ARHGAP44: variants seen among roughly 807,000 people sequenced by gnomAD.
The protein encoded by ARHGAP44 is Rho GTPase activating protein 44, also known as rho GTPase-activating protein 44.
ARHGAP44 carries 43 observed loss-of-function variants against 106.8 expected under a neutral mutation model. The ratio of observed to expected loss-of-function variants is 0.40; its 90% confidence interval spans 0.32 to 0.52. ARHGAP44 has a LOEUF of 0.52. Among genes scored for constraint, ARHGAP44 ranks in the 20% least tolerant of loss-of-function variants. ARHGAP44 has a pLI of 0.48. For missense variants in ARHGAP44, 866 were observed against 1,050.5 expected, an observed-to-expected ratio of 0.82 and a Z score of 2.43; for synonymous variants, 439 against 410.3, an observed-to-expected ratio of 1.07 and a Z score of -0.85.
At chr17:12,821,363 T>G (rs536901803) in intron 1 of ARHGAP44, among the ~76,000 whole-genome samples, 1 of 152,322 alleles carries the variant, frequency 6.6e-6, no homozygotes, top group East Asian at 1.9e-4. Context: ...GTTTATAACC[T>G]GGGTCAGAAG....
intron 16 of ARHGAP44, among the ~76,000 whole-genome samples, chr17:12,972,063 G>C (rs772567284): frequency 3.1e-4 from 47 of 152,198 alleles, no homozygotes; most frequent in Middle Eastern, 3.2e-3. Context: ...TGGTGTAATA[G>C]TTTTGTGCTT....
At chr17:12,903,300 A>G (rs1031875291) in intron 3 of ARHGAP44, among the ~76,000 whole-genome samples, 4 of 152,070 alleles carry the variant, frequency 2.6e-5, no homozygotes, top group African/African-American at 9.7e-5. Context: ...GAAATGTCAG[A>G]TTGACTATAT....
chr17:12,809,299 C>T (rs2034369437), intron 1 of ARHGAP44, among the ~76,000 whole-genome samples: 1 of 152,190 alleles, frequency 6.6e-6, no homozygotes, highest in African/African-American at 2.4e-5. Context: ...CAGCAGAGCC[C>T]CACTCCCGGT....
At chr17:12,989,290 G>A (rs966113829) in intron 20 of ARHGAP44, among the ~76,000 whole-genome samples, 5 of 151,888 alleles carry the variant, frequency 3.3e-5, no homozygotes, top group South Asian at 4.2e-4. Flanking sequence ...TTTTTTTAAC[G>A]TGGTGTGGCA....
chr17:12,943,769 C>T (rs2150983475), intron 9 of ARHGAP44, 100 bp downstream of exon 9: 1 of 1,256,830 alleles, frequency 8.0e-7, no homozygotes, highest in Non-Finnish European at 1.1e-6. Context: ...AACACTCTGC[C>T]CAACAGCATC....
chr17:12,959,748 A>G (rs2039214133), intron 16 of ARHGAP44, among the ~76,000 whole-genome samples: 1 of 152,238 alleles, frequency 6.6e-6, no homozygotes, highest in African/African-American at 2.4e-5. Flanking sequence ...GTTAGAAATT[A>G]AAAATTACTA....
At chr17:12,940,990 A>T (rs776069487) in intron 7 of ARHGAP44, 66 bp from the exon 8 acceptor site, 42 of 1,381,800 alleles carry the variant, frequency 3.0e-5, no homozygotes, top group Non-Finnish European at 3.5e-5. Context: ...TGATGTGTTG[A>T]CTTATGCATT....
chr17:12,812,230 T>C (rs187769853), intron 1 of ARHGAP44, among the ~76,000 whole-genome samples: 4 of 152,310 alleles, frequency 2.6e-5, no homozygotes, highest in Admixed American at 2.0e-4. Context: ...TTTTTACTTA[T>C]GCCCTAAGAT....
intron 7 of ARHGAP44, among the ~76,000 whole-genome samples, chr17:12,938,013 G>A (rs187663411): frequency 5.3e-5 from 8 of 152,122 alleles, no homozygotes; most frequent in East Asian, 3.9e-4. Flanking sequence ...CAGGAGAATC[G>A]CTTGAACCTG....
intron 19 of ARHGAP44, among the ~76,000 whole-genome samples, chr17:12,981,466 C>T (rs1370625936): frequency 4.0e-5 from 6 of 151,602 alleles, no homozygotes; most frequent in Non-Finnish European, 5.9e-5. Context: ...GGCACAATCT[C>T]GGCTCACTGC....
At chr17:12,903,102 GA>G (rs1270935555) in intron 3 of ARHGAP44, among the ~76,000 whole-genome samples, 6 of 115,084 alleles carry the variant, frequency 5.2e-5, no homozygotes, top group African/African-American at 2.1e-4. Flanking sequence ...GAGAGAGAGA[GA>G]GAGAGAGAGA....
chr17:12,898,681 G>A (rs1373702862), intron 3 of ARHGAP44, among the ~76,000 whole-genome samples: 3 of 152,156 alleles, frequency 2.0e-5, no homozygotes, highest in African/African-American at 7.2e-5. Flanking sequence ...AGATTGATAA[G>A]ACCATGAATT....
chr17:12,811,455 G>A (rs142454929), intron 1 of ARHGAP44, among the ~76,000 whole-genome samples: 2 of 152,276 alleles, frequency 1.3e-5, no homozygotes, highest in Non-Finnish European at 2.9e-5. Context: ...TGGTCTTGCT[G>A]TCTCAAGGGT....
At chr17:12,878,780 T>C (rs372927057) in intron 1 of ARHGAP44, among the ~76,000 whole-genome samples, 11 of 152,214 alleles carry the variant, frequency 7.2e-5, no homozygotes, top group African/African-American at 2.7e-4. Flanking sequence ...TCAACAGTCA[T>C]GAGTCTTTTC....
intron 1 of ARHGAP44, among the ~76,000 whole-genome samples, chr17:12,848,408 C>T (rs959903525): frequency 6.6e-6 from 1 of 152,142 alleles, no homozygotes. Context: ...CCATGTGCCA[C>T]CTCAAGCCAC....
At chr17:12,899,025 C>A (rs1327747044) in intron 3 of ARHGAP44, among the ~76,000 whole-genome samples, 1 of 152,018 alleles carries the variant, frequency 6.6e-6, no homozygotes, top group Non-Finnish European at 1.5e-5. Flanking sequence ...GGCTGGAGTG[C>A]AGTGGCGCAA....
At chr17:12,931,068 TTGTTTTGTTC>T (rs2038384552) in intron 7 of ARHGAP44, among the ~76,000 whole-genome samples, 1 of 152,178 alleles carries the variant, frequency 6.6e-6, no homozygotes, top group South Asian at 2.1e-4. Flanking sequence ...TGTTTTTGTT[TTGTTTTGTTC>T]TGTTTTGTTT....
At chr17:12,940,285 T>C (rs1179163261) in intron 7 of ARHGAP44, among the ~76,000 whole-genome samples, 1 of 152,206 alleles carries the variant, frequency 6.6e-6, no homozygotes, top group East Asian at 1.9e-4. Flanking sequence ...TTCGGATAAG[T>C]GACATGCTCA....
chr17:12,976,788 A>C (rs1251988602), intron 18 of ARHGAP44, among the ~76,000 whole-genome samples: 1 of 152,126 alleles, frequency 6.6e-6, no homozygotes, highest in Non-Finnish European at 1.5e-5. Context: ...GCTAGGCCAC[A>C]GATGGACCTG....
Sources: gnomAD v4.1 joint callset for allele counts (sites outside exome capture counted in the v4.1 genomes callset) on GRCh38, gnomAD v4.1.1 for gene constraint, MANE v1.5 for transcripts, NCBI Gene and HGNC (gene_info 2026-07-23, HGNC 2026-07-21) for gene names.